Variants in GABRB2 observed in about 807,000 individuals in gnomAD.
The protein encoded by GABRB2 is gamma-aminobutyric acid receptor subunit beta-2.
Under a neutral mutation model 54.7 loss-of-function variants are expected in GABRB2, and 16 were observed. That is an observed-to-expected ratio of 0.29 (90% confidence interval 0.20 to 0.44). The LOEUF is 0.44. Ranked by LOEUF, GABRB2 falls within the 20% of genes least tolerant of loss-of-function variation. The pLI is 1.00. For missense variants in GABRB2, 355 were observed against 644.0 expected, an observed-to-expected ratio of 0.55 and a Z score of 4.86; for synonymous variants, 244 against 233.8, an observed-to-expected ratio of 1.04 and a Z score of -0.40.
rs535636742 is a variant in GABRB2 at position 161,514,325 on chromosome 5, T to C, written c.237+30902A>G. On this transcript the variant is annotated intron_variant, in intron 3 of 9. Coordinates refer to ENST00000393959, the MANE Select transcript of GABRB2 (RefSeq NM_001371727.1). ...AACAGTTCCTCCATCCATAAGCTAC[T>C]CTCTCATACATCCACCTGCTTAGTT... Among the ~76,000 whole-genome samples the C allele has an allele frequency of 2.6e-5, 4 of 152,262 alleles. No homozygotes were observed. In the East Asian group the frequency reaches 5.8e-4, roughly 22 times the overall value.
intron 5 of GABRB2, among the ~76,000 whole-genome samples, chr5:161,364,823 T>G (rs1277244091): frequency 6.6e-6 from 1 of 152,130 alleles, no homozygotes; most frequent in African/African-American, 2.4e-5. Flanking sequence ...TTGAATAATT[T>G]TTATATTATT....
intron 3 of GABRB2, among the ~76,000 whole-genome samples, chr5:161,487,108 A>G (rs56114853): frequency 0.2 from 31,085 of 151,926 alleles, 3,624 homozygotes; most frequent in Non-Finnish European, 0.27. Flanking sequence ...TGCCTTTGTG[A>G]AAACACAGAT....
intron 3 of GABRB2, among the ~76,000 whole-genome samples, chr5:161,530,094 G>A (rs866476067): frequency 2.6e-5 from 4 of 151,950 alleles, no homozygotes; most frequent in African/African-American, 4.8e-5. Flanking sequence ...CATAAGTAGC[G>A]TTTGATTGAA....
At chr5:161,444,692 A>G (rs1757564648) in intron 4 of GABRB2, among the ~76,000 whole-genome samples, 2 of 152,274 alleles carry the variant, frequency 1.3e-5, no homozygotes, top group African/African-American at 2.4e-5. Flanking sequence ...CATCACCTGA[A>G]GCACAGTCTC....
intron 5 of GABRB2, among the ~76,000 whole-genome samples, chr5:161,406,213 A>C (rs1347943810): frequency 6.6e-6 from 1 of 152,256 alleles, no homozygotes; most frequent in East Asian, 1.9e-4. Context: ...AAAATGTTTT[A>C]AAATACCCAT....
intron 3 of GABRB2, among the ~76,000 whole-genome samples, chr5:161,519,663 A>G (rs1760054165): frequency 1.3e-5 from 2 of 152,200 alleles, no homozygotes; most frequent in Non-Finnish European, 2.9e-5. Context: ...TATAATTACT[A>G]AAAAATGAAA....
chr5:161,510,259 T>A (rs1456839311), intron 3 of GABRB2, among the ~76,000 whole-genome samples: 1 of 143,394 alleles, frequency 7.0e-6, no homozygotes, highest in Non-Finnish European at 1.5e-5. Flanking sequence ...CCCCCCAACC[T>A]CCCCAGCCTC....
intron 3 of GABRB2, among the ~76,000 whole-genome samples, chr5:161,490,040 A>T (rs921743747): frequency 1.3e-5 from 2 of 151,642 alleles, no homozygotes; most frequent in African/African-American, 4.8e-5. Flanking sequence ...TGATCACTAG[A>T]CTTCAGAGAA....
At chr5:161,331,810 T>C (rs370225595) in intron 7 of GABRB2, among the ~76,000 whole-genome samples, 36 of 151,920 alleles carry the variant, frequency 2.4e-4, no homozygotes, top group African/African-American at 8.5e-4. Context: ...GCAATTTGCA[T>C]TTAGAACAAT....
intron 3 of GABRB2, among the ~76,000 whole-genome samples, chr5:161,488,502 G>C (rs985188563): frequency 1.3e-5 from 2 of 151,696 alleles, no homozygotes; most frequent in Non-Finnish European, 2.9e-5. Flanking sequence ...CAGCTAGAAA[G>C]ATACTTATGA....
intron 9 of GABRB2, among the ~76,000 whole-genome samples, chr5:161,320,736 G>A (rs1346916199): frequency 6.6e-6 from 1 of 151,668 alleles, no homozygotes; most frequent in Non-Finnish European, 1.5e-5. Flanking sequence ...TGTTGGATTG[G>A]TTGCTAGATT....
At chr5:161,533,629 A>T (rs1343090827) in intron 3 of GABRB2, among the ~76,000 whole-genome samples, 1 of 152,132 alleles carries the variant, frequency 6.6e-6, no homozygotes, top group African/African-American at 2.4e-5. Context: ...AATAATCTAT[A>T]GCAGAAATCT....
intron 3 of GABRB2, among the ~76,000 whole-genome samples, chr5:161,535,043 C>T (rs774104321): frequency 2.0e-5 from 3 of 152,116 alleles, no homozygotes; most frequent in Non-Finnish European, 2.9e-5. Flanking sequence ...TAAATATTTA[C>T]CATAAATTTT....
rs993304274 is a variant in GABRB2, at chr5:161,290,894, T to C, written c.*3187A>G. Reference sequence around the variant, plus strand: ...AAGCTGACAGATTTTTTTGTGTGTGTTCCTAATGCTAGAATGTAAAGTCTT... The same window carrying C: ...AAGCTGACAGATTTTTTTGTGTGTGCTCCTAATGCTAGAATGTAAAGTCTT... On this transcript the variant is annotated 3_prime_UTR_variant, in exon 10 of 10. Coordinates refer to ENST00000393959, the MANE Select transcript of GABRB2 (RefSeq NM_001371727.1). The C allele has an allele frequency of 2.0e-5, 3 of 152,726 alleles. No individual in the cohort carries two copies. The East Asian group carries it at 5.8e-4, about 29-fold the overall frequency. 9.5% of individuals were successfully genotyped at this position (152,726 alleles called of 1,614,324 possible). A position where few individuals can be genotyped will look rare whatever the true frequency, so the allele number is the denominator to read the frequency against.
chr5:161,545,150 C>T (rs1351387999), intron 3 of GABRB2, 77 bp downstream of exon 3: 14 of 1,123,456 alleles, frequency 1.2e-5, no homozygotes, highest in Non-Finnish European at 1.7e-5. Flanking sequence ...ACCCCCACCC[C>T]CAATAGCTGG....
intron 9 of GABRB2, 103 bp downstream of exon 9, chr5:161,326,265 C>G (rs1758358277): frequency 1.2e-5 from 18 of 1,507,430 alleles, no homozygotes; most frequent in Non-Finnish European, 1.6e-5. Flanking sequence ...GATACATGTT[C>G]ATAGGTTATC....
At chr5:161,390,918 A>G (rs1025861468) in intron 5 of GABRB2, among the ~76,000 whole-genome samples, 2 of 152,140 alleles carry the variant, frequency 1.3e-5, no homozygotes, top group Non-Finnish European at 2.9e-5. Context: ...AACCATGTGC[A>G]TCTTCTTAGG....
chr5:161,353,438 G>T (rs1450351220), intron 5 of GABRB2, among the ~76,000 whole-genome samples: 1 of 152,064 alleles, frequency 6.6e-6, no homozygotes, highest in Admixed American at 6.6e-5. Flanking sequence ...ATTGGTTATT[G>T]ACAGATACAG....
intron 5 of GABRB2, among the ~76,000 whole-genome samples, chr5:161,397,191 C>T (rs941016303): frequency 6.6e-6 from 1 of 152,152 alleles, no homozygotes; most frequent in African/African-American, 2.4e-5. Flanking sequence ...ATTAGAAAGA[C>T]ACAGTCAAGT....
Sources: allele counts gnomAD v4.1 joint callset (sites outside exome capture counted in the v4.1 genomes callset), GRCh38; gene constraint gnomAD v4.1.1; transcripts MANE v1.5; gene names NCBI Gene and HGNC (gene_info 2026-07-23, HGNC 2026-07-21).